Variants in CSMD1 observed in about 807,000 individuals in gnomAD.
CSMD1 encodes CUB and Sushi multiple domains 1.
A neutral mutation model predicts 417.5 loss-of-function variants in CSMD1; 213 were observed. The observed-to-expected ratio is 0.51, with a 90% CI of 0.46 to 0.57. The LOEUF is 0.57. Ranked by LOEUF, CSMD1 falls within the 20% of genes least tolerant of loss-of-function variation. The pLI is 0.00. For synonymous variants in CSMD1, 2,862 were observed against 1,736.8 expected (o/e 1.65, Z -16.11); for missense variants, 6,923 against 4,529.7 (o/e 1.53, Z -15.17).
At position 3,309,350 on chromosome 8, in the gene CSMD1, A is replaced by AATTG. The variant is rs397818491; in HGVS notation, c.3632-848_3632-847insCAAT. ...AAAAAAAAACTGGCGCTCCTGAATT[A>AATTG]CTGCCGACCACACTCCTGATGGTGC... On this transcript the variant is annotated intron_variant, in intron 23 of 69. Transcript: ENST00000635120. Among the ~76,000 whole-genome samples the AATTG allele has an allele frequency of 6.1e-4, 93 of 151,814 alleles. 1 individual carries two copies. Among genetic ancestry groups the AATTG allele is most frequent in the Admixed American group, 1.7e-3 (26 of 15,180 alleles).
At chr8:3,401,744 G>T (rs1450244762) in intron 15 of CSMD1, among the ~76,000 whole-genome samples, 1 of 152,128 alleles carries the variant, frequency 6.6e-6, no homozygotes, top group East Asian at 1.9e-4. Context: ...TGACCCAGAA[G>T]TTGAGTACAG....
At chr8:3,689,324 A>G (rs1409677868) in intron 7 of CSMD1, among the ~76,000 whole-genome samples, 1 of 152,194 alleles carries the variant, frequency 6.6e-6, no homozygotes, top group East Asian at 1.9e-4. Flanking sequence ...CAGATGATCT[A>G]GTTAACTCCA....
intron 23 of CSMD1, among the ~76,000 whole-genome samples, chr8:3,336,204 CA>C (rs1182106369): frequency 6.6e-6 from 1 of 152,072 alleles, no homozygotes; most frequent in African/African-American, 2.4e-5. Flanking sequence ...TAAGTTAGAT[CA>C]TAGCAAGGCC....
intron 5 of CSMD1, among the ~76,000 whole-genome samples, chr8:3,970,317 A>G (rs895556534): frequency 1.3e-5 from 2 of 152,160 alleles, no homozygotes; most frequent in African/African-American, 2.4e-5. Flanking sequence ...CACGGTGATC[A>G]ACACAGAGAA....
chr8:4,537,850 T>A (rs1797177134), intron 2 of CSMD1, among the ~76,000 whole-genome samples: 1 of 152,204 alleles, frequency 6.6e-6, no homozygotes, highest in Admixed American at 6.5e-5. Flanking sequence ...GCAGCACTTT[T>A]TGCATTGCTT....
At chr8:2,968,198 C>A (rs1804139038) in intron 57 of CSMD1, among the ~76,000 whole-genome samples, 1 of 152,218 alleles carries the variant, frequency 6.6e-6, no homozygotes, top group African/African-American at 2.4e-5. Flanking sequence ...GACAACTATT[C>A]ATTCAACAAA....
chr8:4,957,335 G>C (rs1264533361), intron 1 of CSMD1, among the ~76,000 whole-genome samples: 1 of 152,168 alleles, frequency 6.6e-6, no homozygotes, highest in Admixed American at 6.6e-5. Context: ...AGATGCGTTG[G>C]CAGAGAAGAG....
At chr8:4,043,656 G>T (rs966508920) in intron 3 of CSMD1, among the ~76,000 whole-genome samples, 1 of 152,172 alleles carries the variant, frequency 6.6e-6, no homozygotes, top group Non-Finnish European at 1.5e-5. Flanking sequence ...AGGAGTGGTG[G>T]TTCCTGGGTG....
At chr8:3,499,760 G>C (rs886736442) in intron 10 of CSMD1, among the ~76,000 whole-genome samples, 1 of 151,974 alleles carries the variant, frequency 6.6e-6, no homozygotes, top group Non-Finnish European at 1.5e-5. Flanking sequence ...TCATAGTCCT[G>C]CATCCTTCTC....
At chr8:3,711,999 G>T (rs1438047801) in intron 6 of CSMD1, among the ~76,000 whole-genome samples, 1 of 152,170 alleles carries the variant, frequency 6.6e-6, no homozygotes, top group Non-Finnish European at 1.5e-5. Context: ...CTGAAAGCTG[G>T]ATGAGCTAAT....
intron 7 of CSMD1, among the ~76,000 whole-genome samples, chr8:3,659,266 A>G (rs1245050578): frequency 6.6e-6 from 1 of 152,188 alleles, no homozygotes; most frequent in Admixed American, 6.5e-5. Flanking sequence ...GATAACAAAG[A>G]CTACCAAATT....
intron 2 of CSMD1, among the ~76,000 whole-genome samples, chr8:4,624,892 G>C (rs1322248662): frequency 6.6e-6 from 1 of 152,104 alleles, no homozygotes; most frequent in Non-Finnish European, 1.5e-5. Flanking sequence ...GGGCAGAGAA[G>C]GCACTGGCAT....
In CSMD1 at chr8:3,772,522, TAC is replaced by T. The variant is rs1202279214; in HGVS notation, c.819-18482_819-18481del. On this transcript the variant is annotated intron_variant, in intron 5 of 69. Coordinates refer to ENST00000635120, the MANE Select transcript of CSMD1 (RefSeq NM_033225.6). Reference sequence around the variant, plus strand: ...ACATATATACACATATATACATATATACACATATATACATATATACACATATA... The same window carrying T: ...ACATATATACACATATATACATATATACATATATACATATATACACATATA... 4.1e-3 allele frequency among the ~76,000 whole-genome samples: 163 copies of T among 39,608 alleles called. 15 individuals carry two copies. Among genetic ancestry groups the T allele is most frequent in the African/African-American group, 7.9e-3 (143 of 18,184 alleles). The allele number at this position is 39,608 out of a possible 152,430, so 26.0% of individuals were successfully genotyped here.
At chr8:4,429,504 T>A (rs999336822) in intron 2 of CSMD1, among the ~76,000 whole-genome samples, 2 of 152,226 alleles carry the variant, frequency 1.3e-5, no homozygotes, top group African/African-American at 4.8e-5. Context: ...TTAGCTTATA[T>A]AATTTGTAGA....
chr8:3,439,309 A>ATATATATATATT, intron 12 of CSMD1, among the ~76,000 whole-genome samples: 24 of 62,444 alleles, frequency 3.8e-4, no homozygotes, highest in East Asian at 1.1e-3. Context: ...ATATATATAT[A>ATATATATATATT]TTTTTTTTTT....
At chr8:3,128,553 A>C (rs980805359) in intron 41 of CSMD1, 1 of 265,794 alleles carries the variant, frequency 3.8e-6, no homozygotes, top group African/African-American at 2.3e-5. Flanking sequence ...CTAAATCTCA[A>C]GTAGAACCTA....
chr8:4,323,677 T>C (rs948683381), intron 3 of CSMD1, among the ~76,000 whole-genome samples: 3 of 152,042 alleles, frequency 2.0e-5, no homozygotes, highest in Non-Finnish European at 4.4e-5. Flanking sequence ...CAAACAAGAA[T>C]TATATAGGAA....
At position 3,933,425 on chromosome 8, in the gene CSMD1, T is replaced by G. The variant is rs146532203; in HGVS notation, c.818+64478A>C. 9.8e-5 allele frequency among the ~76,000 whole-genome samples: 15 copies of G among 152,290 alleles called. No homozygotes were observed. In the East Asian group the frequency reaches 2.9e-3, roughly 29 times the overall value. ...TATCAGGACTTGTATGTATGACAGA[T>G]AAAACATAGACTAAGCATTTCCCGC... is the stretch of plus-strand genomic sequence containing the variant. On this transcript the variant is annotated intron_variant, in intron 5 of 69. Transcript: ENST00000635120.
intron 7 of CSMD1, among the ~76,000 whole-genome samples, chr8:3,683,154 A>C (rs1334606809): frequency 6.6e-6 from 1 of 152,222 alleles, no homozygotes; most frequent in African/African-American, 2.4e-5. Context: ...TATGTAACAA[A>C]CCTGCACGTT....
Sources: gnomAD v4.1 joint callset for allele counts (sites outside exome capture counted in the v4.1 genomes callset) on GRCh38, gnomAD v4.1.1 for gene constraint, MANE v1.5 for transcripts, NCBI Gene and HGNC (gene_info 2026-07-23, HGNC 2026-07-21) for gene names.